The following FANCM variants were observed in gnomAD, a reference collection of about 807,000 sequenced individuals.
FANCM encodes FA complementation group M, also known as Fanconi anemia group M protein.
A neutral mutation model predicts 199.5 loss-of-function variants in FANCM; 140 were observed. That is an observed-to-expected ratio of 0.70 (90% CI 0.61 to 0.81). FANCM has a LOEUF of 0.81. FANCM is among the 30% of genes least tolerant of loss of function. The pLI, the probability that FANCM is intolerant of heterozygous loss-of-function variation, is 0.00. For missense variants in FANCM, 2,410 were observed against 2,421.4 expected (o/e 1.00, Z 0.10); for synonymous variants, 840 against 836.8 (o/e 1.00, Z -0.07).
Position 45,151,427 on chromosome 14 carries a change from C to T in FANCM, c.949C>T (p.Gln317Ter). 2 of 1,613,444 alleles carry T rather than the reference C, an allele frequency of 1.2e-6. No homozygotes were observed. Among genetic ancestry groups the T allele is most frequent in the Non-Finnish European group, 1.7e-6 (2 of 1,179,582 alleles). Residue 317 changes from glutamine (Q) to a stop codon, truncating the protein, a stop_gained, in exon 5 of 23, where the codon CAG becomes TAG. Coordinates refer to ENST00000267430, the MANE Select transcript of FANCM (RefSeq NM_020937.4). LOFTEE classifies it high-confidence loss of function. The part of the protein sequence containing the change: ...ILESFARSLI[Q>*]RNVLMRRDIP... Reference sequence around the variant, plus strand: ...GGAATCATTTGCTCGTTCTTTGATTCAGAGGAATGTTTTGATGAGAAGGGA... The same window carrying T: ...GGAATCATTTGCTCGTTCTTTGATTTAGAGGAATGTTTTGATGAGAAGGGA...
chr14:45,184,776 C>CT (rs764598561), intron 17 of FANCM, among the ~76,000 whole-genome samples: 5,718 of 132,282 alleles, frequency 0.043, 329 homozygotes, highest in African/African-American at 0.13. Flanking sequence ...TTGGGATTTT[C>CT]TTTTTTTTTT....
At chr14:45,186,565 G>GA (rs895748335) in intron 18 of FANCM, among the ~76,000 whole-genome samples, 2 of 152,142 alleles carry the variant, frequency 1.3e-5, no homozygotes, top group African/African-American at 4.8e-5. Context: ...TGACTTTTAA[G>GA]AAAAAAGTGT....
chr14:45,152,059 C>T (rs1468828755), intron 5 of FANCM, among the ~76,000 whole-genome samples: 1 of 143,260 alleles, frequency 7.0e-6, no homozygotes, highest in Non-Finnish European at 1.5e-5. Flanking sequence ...GACAGAATTT[C>T]GCTCTATTGC....
chr14:45,146,192 G>T (rs1468970054), intron 3 of FANCM, among the ~76,000 whole-genome samples: 1 of 137,926 alleles, frequency 7.3e-6, no homozygotes, highest in Non-Finnish European at 1.5e-5. Context: ...AGTGAGCCGA[G>T]ATCATGGCAT....
At chr14:45,159,820 T>C (rs1206229567) in intron 9 of FANCM, among the ~76,000 whole-genome samples, 5 of 152,114 alleles carry the variant, frequency 3.3e-5, no homozygotes, top group African/African-American at 9.7e-5. Flanking sequence ...CTAAGTGCTG[T>C]GATGTTTTGA....
intron 10 of FANCM, among the ~76,000 whole-genome samples, chr14:45,166,342 T>C (rs1278178603): frequency 6.6e-6 from 1 of 151,944 alleles, no homozygotes; most frequent in Non-Finnish European, 1.5e-5. Flanking sequence ...GTTCACCATA[T>C]TGGCGAGGCT....
intron 8 of FANCM, 89 bp from the exon 9 acceptor site, chr14:45,159,007 A>C (rs1887386611): frequency 2.5e-6 from 2 of 816,152 alleles, no homozygotes; most frequent in Admixed American, 5.3e-5. Flanking sequence ...ATTCGTTAGC[A>C]TTAACACTTT....
intron 9 of FANCM, among the ~76,000 whole-genome samples, chr14:45,163,274 G>T (rs1290180134): frequency 6.6e-6 from 1 of 152,132 alleles, no homozygotes; most frequent in Non-Finnish European, 1.5e-5. Flanking sequence ...TACCTCATAG[G>T]GTCGTTGGCA....
In FANCM at chr14:45,199,907, C is replaced by A. The variant is rs1437041661; in HGVS notation, c.6046C>A (p.His2016Asn). 1 of 1,610,412 alleles carries A rather than the reference C, an allele frequency of 6.2e-7. No homozygotes were observed. Among genetic ancestry groups the A allele is most frequent in the Admixed American group, 1.7e-5 (1 of 59,992 alleles). ...QEISMYAQVT[H>N]QKAEEIYRYI... ...AATCTCCATGTATGCACAAGTAACT[C>A]ATCAGAAGGCTGAGGAGATCTATAG... Residue 2016 changes from histidine to asparagine, a missense_variant, in exon 23 of 23, where the codon CAT becomes AAT. Coordinates refer to ENST00000267430, the MANE Select transcript of FANCM (RefSeq NM_020937.4).
At chr14:45,182,689 C>A (rs1490316477) in intron 16 of FANCM, among the ~76,000 whole-genome samples, 1 of 152,146 alleles carries the variant, frequency 6.6e-6, no homozygotes, top group Non-Finnish European at 1.5e-5. Flanking sequence ...TTTTAATTCT[C>A]GAATACAGTC....
chr14:45,164,743 G>A (rs1201035102), intron 10 of FANCM, among the ~76,000 whole-genome samples, 178 bp downstream of exon 10: 3 of 152,180 alleles, frequency 2.0e-5, no homozygotes, highest in Non-Finnish European at 4.4e-5. Context: ...ACTGGAGTCA[G>A]TTTGCTAATT....
intron 9 of FANCM, among the ~76,000 whole-genome samples, chr14:45,160,954 C>G (rs1594780529): frequency 6.6e-6 from 1 of 151,636 alleles, no homozygotes; most frequent in East Asian, 1.9e-4. Flanking sequence ...TGCCTATTAT[C>G]AAGTCAGATT....
chr14:45,187,532 G>C (rs924512908), intron 18 of FANCM, among the ~76,000 whole-genome samples: 1 of 152,120 alleles, frequency 6.6e-6, no homozygotes, highest in African/African-American at 2.4e-5. Flanking sequence ...TTTTCAGAGA[G>C]ATAGATAAAG....
chr14:45,178,304 G>T (rs1888842983), intron 14 of FANCM, among the ~76,000 whole-genome samples: 1 of 152,134 alleles, frequency 6.6e-6, no homozygotes, highest in Admixed American at 6.5e-5. Context: ...ATGCCTGTGA[G>T]CCTTCAATAT....
At chr14:45,196,760 G>C (rs1279008174) in intron 21 of FANCM, among the ~76,000 whole-genome samples, 1 of 152,180 alleles carries the variant, frequency 6.6e-6, no homozygotes, top group African/African-American at 2.4e-5. Flanking sequence ...GAAACTGAAG[G>C]CAAGTCTGCC....
chr14:45,143,208 C>A (rs1036792537), intron 3 of FANCM, among the ~76,000 whole-genome samples: 1 of 150,760 alleles, frequency 6.6e-6, no homozygotes, highest in Non-Finnish European at 1.5e-5. Flanking sequence ...CTCACTGAGT[C>A]CTCCAGGCTG....
intron 8 of FANCM, among the ~76,000 whole-genome samples, chr14:45,157,618 T>C (rs558490034): frequency 6.6e-6 from 1 of 152,274 alleles, no homozygotes; most frequent in Non-Finnish European, 1.5e-5. Flanking sequence ...CTGTGACAGA[T>C]TGAAGGAGAT....
chr14:45,155,339 AG>A, intron 7 of FANCM, 33 bp from the exon 8 acceptor site: 1 of 962,278 alleles, frequency 1.0e-6, no homozygotes, highest in Non-Finnish European at 1.7e-6. Flanking sequence ...GGAAAAAAAC[AG>A]AAAAAAATTT....
At chr14:45,199,077 A>G in intron 22 of FANCM, 142 bp downstream of exon 22, 1 of 652,056 alleles carries the variant, frequency 1.5e-6, no homozygotes, top group Non-Finnish European at 2.6e-6. Context: ...GCCTGCCAAC[A>G]TATATTAGTT....
Sources: allele counts gnomAD v4.1 joint callset (sites outside exome capture counted in the v4.1 genomes callset), GRCh38; gene constraint gnomAD v4.1.1; transcripts MANE v1.5; gene names NCBI Gene and HGNC (gene_info 2026-07-23, HGNC 2026-07-21).